ASTN2: variants seen among roughly 807,000 people sequenced by gnomAD.
The protein encoded by ASTN2 is astrotactin-2.
Under a neutral mutation model 139.8 loss-of-function variants are expected in ASTN2, and 54 were observed. The ratio of observed to expected loss-of-function variants is 0.39; its 90% CI spans 0.31 to 0.48. ASTN2 has a LOEUF of 0.48. Ranked by LOEUF, ASTN2 falls within the 20% of genes least tolerant of loss-of-function variation. The pLI, the probability that ASTN2 is intolerant of heterozygous loss-of-function variation, is 0.95. For synonymous variants in ASTN2, 756 were observed against 719.5 expected, an observed-to-expected ratio of 1.05 and a Z score of -0.81; for missense variants, 1,565 against 1,725.1, an observed-to-expected ratio of 0.91 and a Z score of 1.64.
chr9:116,600,567 A>G (rs1854841480), intron 19 of ASTN2, among the ~76,000 whole-genome samples: 2 of 152,136 alleles, frequency 1.3e-5, no homozygotes, highest in African/African-American at 2.4e-5. Context: ...CAACTCCCTC[A>G]TCTGTAGATG....
chr9:117,283,209 ATGT>A (rs1564125054), intron 2 of ASTN2, among the ~76,000 whole-genome samples: 1 of 152,078 alleles, frequency 6.6e-6, no homozygotes, highest in Non-Finnish European at 1.5e-5. Flanking sequence ...GCATCTCTAA[ATGT>A]TGTGAAAAAT....
intron 16 of ASTN2, among the ~76,000 whole-genome samples, chr9:116,685,747 C>CAA (rs1485246535): frequency 6.6e-6 from 1 of 151,590 alleles, no homozygotes; most frequent in East Asian, 1.9e-4. Flanking sequence ...AAAGAAGAGT[C>CAA]AAACACTGAT....
chr9:116,821,182 G>A (rs1251128117), intron 11 of ASTN2, among the ~76,000 whole-genome samples: 2 of 152,256 alleles, frequency 1.3e-5, no homozygotes, highest in Admixed American at 6.5e-5. Flanking sequence ...GTCACATAGG[G>A]AGGCTGCCAG....
chr9:117,212,028 TG>T (rs1832150801), intron 3 of ASTN2, among the ~76,000 whole-genome samples: 1 of 152,168 alleles, frequency 6.6e-6, no homozygotes, highest in Non-Finnish European at 1.5e-5. Context: ...CCAAAGTTAC[TG>T]CAAAGTAAAT....
chr9:116,511,185 C>T (rs1034065099), intron 19 of ASTN2, among the ~76,000 whole-genome samples: 5 of 152,284 alleles, frequency 3.3e-5, no homozygotes, highest in Non-Finnish European at 5.9e-5. Flanking sequence ...CGATCAATAC[C>T]TAACTTATTG....
chr9:117,176,728 T>C (rs1830927385), intron 3 of ASTN2, among the ~76,000 whole-genome samples: 1 of 151,440 alleles, frequency 6.6e-6, no homozygotes. Context: ...AGGCCAGGAG[T>C]TCAAGACCAG....
intron 19 of ASTN2, among the ~76,000 whole-genome samples, chr9:116,610,188 A>C (rs890667262): frequency 3.3e-5 from 5 of 152,216 alleles, no homozygotes; most frequent in Non-Finnish European, 5.9e-5. Flanking sequence ...AATGGTCTAA[A>C]CACCCCAACT....
chr9:117,229,173 C>A (rs1832809779), intron 2 of ASTN2, among the ~76,000 whole-genome samples: 1 of 152,092 alleles, frequency 6.6e-6, no homozygotes, highest in African/African-American at 2.4e-5. Flanking sequence ...AACCCAGGGC[C>A]CAGGCTGCAG....
intron 5 of ASTN2, among the ~76,000 whole-genome samples, chr9:117,062,251 T>A (rs1333414540): frequency 6.6e-6 from 1 of 152,118 alleles, no homozygotes; most frequent in African/African-American, 2.4e-5. Context: ...AACTACCTGA[T>A]CCAGTCACCA....
intron 19 of ASTN2, among the ~76,000 whole-genome samples, chr9:116,489,723 G>A (rs1849452640): frequency 6.6e-6 from 1 of 152,246 alleles, no homozygotes; most frequent in Non-Finnish European, 1.5e-5. Context: ...TGGCCAGATG[G>A]CCCTGGGATT....
chr9:116,877,665 G>C (rs989390329), intron 10 of ASTN2, among the ~76,000 whole-genome samples: 1 of 152,122 alleles, frequency 6.6e-6, no homozygotes, highest in Admixed American at 6.5e-5. Context: ...CCAGCCTGTG[G>C]TATGGTGAGG....
intron 13 of ASTN2, among the ~76,000 whole-genome samples, chr9:116,801,306 G>A (rs1830838757): frequency 6.6e-6 from 1 of 152,062 alleles, no homozygotes. Context: ...TTTACGGCTG[G>A]GCGGGGTGGC....
At chr9:117,101,819 G>A (rs552639812) in intron 4 of ASTN2, among the ~76,000 whole-genome samples, 11 of 152,266 alleles carry the variant, frequency 7.2e-5, no homozygotes, top group Middle Eastern at 3.4e-3. Flanking sequence ...AATGCAAACC[G>A]AAACCATAGA....
At chr9:117,229,099 C>G (rs1041353943) in intron 2 of ASTN2, among the ~76,000 whole-genome samples, 3 of 152,168 alleles carry the variant, frequency 2.0e-5, no homozygotes, top group African/African-American at 7.2e-5. Context: ...AGCTACCTGT[C>G]ACCTTACCCT....
At chr9:116,469,631 G>A (rs983368467) in intron 20 of ASTN2, among the ~76,000 whole-genome samples, 4 of 152,158 alleles carry the variant, frequency 2.6e-5, no homozygotes, top group African/African-American at 9.7e-5. Context: ...TCTAAAGTGA[G>A]AGGGGAAAAG....
Position 117,141,412 on chromosome 9 carries a change from G to C in ASTN2, c.1082C>G (p.Ala361Gly), listed in dbSNP as rs755024788. The change falls in exon 4 of 23, where the codon GCT (alanine) becomes GGT (glycine). Residue 361 changes from alanine (A) to glycine (G), a missense_variant. Around this residue, in one of 4 missense-constraint regions of ASTN2, gnomAD observed 596 missense variants for 576.8 expected, o/e 1.03. Coordinates refer to ENST00000313400, the MANE Select transcript of ASTN2 (RefSeq NM_001365068.1). The part of the protein sequence containing the change: ...LMQKFKESFR[A>G]NTPIEIGQLQ... Reference sequence around the variant, plus strand: ...CTGACCGATCTCGATGGGCGTGTTAGCGCGGAAACTCTCCTTGAACTTCTG... The same window carrying C: ...CTGACCGATCTCGATGGGCGTGTTACCGCGGAAACTCTCCTTGAACTTCTG... The C allele has an allele frequency of 1.5e-6, 2 of 1,367,420 alleles. No homozygotes were observed. The highest frequency in any genetic ancestry group is 2.0e-6 in the Non-Finnish European group (2 of 1,021,834). The allele number at this position is 1,367,420 out of a possible 1,614,324, so 84.7% of individuals were successfully genotyped here.
intron 2 of ASTN2, among the ~76,000 whole-genome samples, chr9:117,239,244 G>A (rs1833136491): frequency 6.6e-6 from 1 of 152,132 alleles, no homozygotes; most frequent in African/African-American, 2.4e-5. Context: ...TGTCTCCTAA[G>A]CATCTCCAAA....
intron 22 of ASTN2, chr9:116,437,436 G>A: frequency 2.1e-6 from 1 of 471,438 alleles, no homozygotes; most frequent in Middle Eastern, 3.2e-4. Context: ...GGGTGACAGG[G>A]TGGGGAGGTT....
intron 17 of ASTN2, among the ~76,000 whole-genome samples, chr9:116,628,040 T>A (rs928151478): frequency 2.0e-5 from 3 of 152,222 alleles, no homozygotes; most frequent in Admixed American, 1.3e-4. Context: ...CTTTGAAATA[T>A]AAAGCCTCCA....
Sources: gnomAD v4.1 joint callset for allele counts (sites outside exome capture counted in the v4.1 genomes callset) on GRCh38, gnomAD v4.1.1 for gene constraint, gnomAD v4.1.1 regional missense constraint, MANE v1.5 for transcripts, NCBI Gene and HGNC (gene_info 2026-07-23, HGNC 2026-07-21) for gene names.